The following DNM3 variants were observed in gnomAD, a reference collection of about 807,000 sequenced individuals.
DNM3 encodes the protein dynamin 3, also known as dynamin-3.
A neutral mutation model predicts 101.6 loss-of-function variants in DNM3; 47 were observed. The ratio of observed to expected loss-of-function variants is 0.46; its 90% CI spans 0.37 to 0.59. The LOEUF (loss-of-function observed/expected upper bound fraction) is 0.59, where lower values mean the gene tolerates loss of function less well. Ranked by LOEUF, DNM3 falls within the 20% of genes least tolerant of loss-of-function variation. DNM3 has a pLI of 0.00. For missense variants in DNM3, 849 were observed against 1,085.7 expected, an observed-to-expected ratio of 0.78 and a Z score of 3.06; for synonymous variants, 385 against 387.9, an observed-to-expected ratio of 0.99 and a Z score of 0.09.
At chr1:172,369,752 T>C (rs1182793946) in intron 17 of DNM3, among the ~76,000 whole-genome samples, 1 of 151,974 alleles carries the variant, frequency 6.6e-6, no homozygotes, top group Admixed American at 6.6e-5. Context: ...TTTATTTTCA[T>C]TAATTGATTA....
intron 15 of DNM3, among the ~76,000 whole-genome samples, chr1:172,283,031 G>T (rs144111377): frequency 2.0e-4 from 31 of 152,132 alleles, no homozygotes; most frequent in African/African-American, 6.5e-4. Flanking sequence ...ATCTTAGAGC[G>T]TTGCTAGTTA....
intron 1 of DNM3, among the ~76,000 whole-genome samples, chr1:171,873,428 A>G (rs1362225212): frequency 6.6e-6 from 1 of 152,200 alleles, no homozygotes; most frequent in Non-Finnish European, 1.5e-5. Context: ...GCAAACAAAG[A>G]TTCCTGTGCT....
chr1:172,213,055 T>C (rs957714884), intron 14 of DNM3, among the ~76,000 whole-genome samples: 1 of 152,162 alleles, frequency 6.6e-6, no homozygotes, highest in Non-Finnish European at 1.5e-5. Flanking sequence ...CTCAAGAAGT[T>C]GGTTTGCAAA....
intron 13 of DNM3, among the ~76,000 whole-genome samples, chr1:172,125,565 G>A (rs1457287191): frequency 6.6e-6 from 1 of 152,096 alleles, no homozygotes; most frequent in Non-Finnish European, 1.5e-5. Context: ...TCCCATTGCT[G>A]GTCTTGCAGT....
At chr1:172,177,289 G>A (rs1572841485) in intron 14 of DNM3, among the ~76,000 whole-genome samples, 1 of 151,594 alleles carries the variant, frequency 6.6e-6, no homozygotes, top group African/African-American at 2.4e-5. Context: ...CCACATTCAC[G>A]TAACTTGTAT....
chr1:172,106,844 A>ATTTT (rs1289662689), intron 13 of DNM3, among the ~76,000 whole-genome samples: 4 of 51,062 alleles, frequency 7.8e-5, no homozygotes, highest in Admixed American at 2.4e-4. Flanking sequence ...AGGTAACATT[A>ATTTT]TTCTTTTTTT....
intron 20 of DNM3, among the ~76,000 whole-genome samples, chr1:172,405,403 G>A (rs965971461): frequency 6.6e-6 from 1 of 151,996 alleles, no homozygotes; most frequent in Non-Finnish European, 1.5e-5. Context: ...ATAGGGGAAG[G>A]CAGAGGAAGT....
At chr1:172,395,733 G>T (rs959618351) in intron 20 of DNM3, among the ~76,000 whole-genome samples, 5 of 152,146 alleles carry the variant, frequency 3.3e-5, no homozygotes, top group Non-Finnish European at 7.3e-5. Flanking sequence ...CCAATGTATT[G>T]TAAGTGTTGT....
intron 15 of DNM3, among the ~76,000 whole-genome samples, chr1:172,257,315 CAAAT>C (rs2062445302): frequency 6.6e-6 from 1 of 151,958 alleles, no homozygotes; most frequent in Admixed American, 6.6e-5. Flanking sequence ...GGCGGGGAGA[CAAAT>C]AAAAACTCAC....
intron 17 of DNM3, among the ~76,000 whole-genome samples, chr1:172,377,553 C>CATATATATATATATATATATATAT (rs34612864): frequency 2.0e-3 from 246 of 123,338 alleles, no homozygotes; most frequent in Middle Eastern, 8.5e-3. Context: ...TGATATATAT[C>CATATATATATATATATATATATAT]ATATATATAT....
At chr1:172,416,438 A>G (rs1240608787), downstream of DNM3, among the ~76,000 whole-genome samples, 1 of 152,230 alleles carries the variant, frequency 6.6e-6, no homozygotes. Context: ...GGGTAGATAC[A>G]GTAAAGTGAA....
At chr1:172,284,458 T>TC (rs1034761100) in intron 15 of DNM3, among the ~76,000 whole-genome samples, 1 of 152,198 alleles carries the variant, frequency 6.6e-6, no homozygotes, top group African/African-American at 2.4e-5. Flanking sequence ...TCCTTTTTTT[T>TC]CTCTCTGTAA....
chr1:171,908,437 T>C (rs2039007881), intron 1 of DNM3, among the ~76,000 whole-genome samples: 1 of 152,182 alleles, frequency 6.6e-6, no homozygotes. Flanking sequence ...TTGTCAATAT[T>C]ATTTGCTAAT....
chr1:172,043,352 C>T (rs916640709), intron 8 of DNM3, among the ~76,000 whole-genome samples: 8 of 152,062 alleles, frequency 5.3e-5, no homozygotes, highest in African/African-American at 1.4e-4. Flanking sequence ...ATGTGCTAAG[C>T]GTAAAATGCC....
chr1:171,934,349 A>G (rs1053520226), intron 2 of DNM3, among the ~76,000 whole-genome samples: 2 of 152,230 alleles, frequency 1.3e-5, no homozygotes, highest in Admixed American at 1.3e-4. Context: ...GATTATAGCA[A>G]TTAATACTTT....
In DNM3 at chr1:171,842,122, C is replaced by T. The variant is rs546533025; in HGVS notation, c.161+305C>T. ...GGGGAGTCGGGGGAGGGGTCCGCCC[C>T]GGGCTCGACCCCCACCCCCTCGGTG... is the stretch of plus-strand genomic sequence containing the variant. On this transcript the variant is annotated intron_variant, in intron 1 of 20. Coordinates refer to ENST00000627582, the MANE Select transcript of DNM3 (RefSeq NM_015569.5). 2.0e-3 allele frequency among the ~76,000 whole-genome samples: 304 copies of T among 152,242 alleles called. 1 individual carries two copies. The highest frequency in any genetic ancestry group is 3.4e-3 in the Middle Eastern group (1 of 294).
rs931041131 is a variant in DNM3, at chr1:172,168,250, T to G, written c.1659+36962T>G. 4.1e-3 allele frequency among the ~76,000 whole-genome samples: 133 copies of G among 32,572 alleles called. No individual in the cohort carries two copies. The African/African-American group carries it at 0.055, about 13-fold the overall frequency. The allele number at this position is 32,572 out of a possible 152,430, so 21.4% of individuals were successfully genotyped here. On this transcript the variant is annotated intron_variant, in intron 14 of 20. Coordinates refer to ENST00000627582, the MANE Select transcript of DNM3 (RefSeq NM_015569.5). ...ACTAATCATTAAATATGGTCTCCCTTTTTTTTTTGTCTTTTCTTAAAATAT... is the reference window on the plus strand; with the variant it reads ...ACTAATCATTAAATATGGTCTCCCTGTTTTTTTTGTCTTTTCTTAAAATAT...
intron 14 of DNM3, among the ~76,000 whole-genome samples, chr1:172,198,039 TGG>T (rs2148472261): frequency 6.6e-6 from 1 of 152,254 alleles, no homozygotes; most frequent in East Asian, 1.9e-4. Context: ...ATGTTAGCTG[TGG>T]GTTTGTCACA....
intron 15 of DNM3, among the ~76,000 whole-genome samples, chr1:172,284,461 C>G (rs1297492188): frequency 6.6e-6 from 1 of 151,820 alleles, no homozygotes; most frequent in Non-Finnish European, 1.5e-5. Flanking sequence ...TTTTTTTTCT[C>G]TCTGTAATGC....
Sources: gnomAD v4.1 joint callset for allele counts (sites outside exome capture counted in the v4.1 genomes callset) on GRCh38, gnomAD v4.1.1 for gene constraint, MANE v1.5 for transcripts, NCBI Gene and HGNC (gene_info 2026-07-23, HGNC 2026-07-21) for gene names.